Variants in UTP6 observed in about 807,000 individuals in gnomAD.
The protein encoded by UTP6 is U3 small nucleolar RNA-associated protein 6 homolog.
Under a neutral mutation model 96.5 loss-of-function variants are expected in UTP6, and 60 were observed. That is an observed-to-expected ratio of 0.62 (90% confidence interval 0.51 to 0.77). UTP6 has a LOEUF of 0.77. Ranked by LOEUF, UTP6 falls within the 30% of genes least tolerant of loss-of-function variation. UTP6 has a pLI of 0.00. For synonymous variants in UTP6, 215 were observed against 240.1 expected, an observed-to-expected ratio of 0.90 and a Z score of 0.96; for missense variants, 637 against 706.5, an observed-to-expected ratio of 0.90 and a Z score of 1.12.
At chr17:31,894,280 A>G (rs934634542) in intron 4 of UTP6, among the ~76,000 whole-genome samples, 1 of 136,988 alleles carries the variant, frequency 7.3e-6, no homozygotes, top group Non-Finnish European at 1.5e-5. Flanking sequence ...AAAAAAAAAA[A>G]AAAAGAAAAA....
Position 31,875,549 on chromosome 17 carries a change from G to A in UTP6, c.1126-136C>T, listed in dbSNP as rs890131151. ...CAATTTAAAATAAAAAAGAGGCCAG[G>A]TGTGGTGGCTCACACCTGTAACCCC... On this transcript the variant is annotated intron_variant, in intron 13 of 18. Coordinates refer to ENST00000261708, the MANE Select transcript of UTP6 (RefSeq NM_018428.3). 1.2e-5 allele frequency: 13 copies of A among 1,047,464 alleles called. 1 individual carries two copies. In the Admixed American group the frequency reaches 2.9e-4, roughly 23 times the overall value. The allele number at this position is 1,047,464 out of a possible 1,614,324, so 64.9% of individuals were successfully genotyped here.
Position 31,873,372 on chromosome 17 carries a change from G to GAGTA in UTP6, c.1496+2_1496+5dup. 6.2e-7 allele frequency: 1 copy of GAGTA among 1,613,894 alleles called. No individual in the cohort carries two copies. Among genetic ancestry groups the GAGTA allele is most frequent in the South Asian group, 1.1e-5 (1 of 91,054 alleles). On this transcript the variant is annotated splice_donor_region_variant and intron_variant, in intron 16 of 18. Coordinates refer to ENST00000261708, the MANE Select transcript of UTP6 (RefSeq NM_018428.3). ...ACTAGTAACAACTATGAACGTCTGT[G>GAGTA]AGTACCTTTTAAACACAGCTCTGGC...
chr17:31,901,670 G>T lies in UTP6; in HGVS notation c.-43C>A, dbSNP rs868592427. On this transcript the variant is annotated 5_prime_UTR_variant, in exon 1 of 19. Coordinates refer to ENST00000261708, the MANE Select transcript of UTP6 (RefSeq NM_018428.3). The stretch of plus-strand genomic sequence containing the variant: ...ACCCCGCGGGTAGCTTCTCAACAGC[G>T]AACACGAGCAGGAAGCTCCCGGTTT... 2 of 1,592,240 alleles carry T rather than the reference G, an allele frequency of 1.3e-6. No homozygotes were observed. The highest frequency in any genetic ancestry group is 1.1e-5 in the South Asian group (1 of 90,738).
intron 4 of UTP6, among the ~76,000 whole-genome samples, chr17:31,894,268 C>CAAA (rs1179270340): frequency 1.6e-5 from 1 of 63,000 alleles, no homozygotes; most frequent in Non-Finnish European, 3.3e-5. Context: ...GACCTTATCT[C>CAAA]AAAAAAAAAA....
At chr17:31,866,911 A>AAG (rs1909859944) in intron 17 of UTP6, among the ~76,000 whole-genome samples, 1 of 150,640 alleles carries the variant, frequency 6.6e-6, no homozygotes, top group Non-Finnish European at 1.5e-5. Flanking sequence ...AAAAAAAAAA[A>AAG]AAGTCAATTT....
intron 6 of UTP6, 83 bp from the exon 7 acceptor site, chr17:31,889,486 A>C: frequency 7.5e-6 from 8 of 1,070,498 alleles, no homozygotes; most frequent in East Asian, 2.5e-5. Context: ...CAATTTTAAT[A>C]CTCGCACAAT....
intron 16 of UTP6, among the ~76,000 whole-genome samples, chr17:31,871,701 C>G (rs1367492282): frequency 6.6e-6 from 1 of 152,010 alleles, no homozygotes; most frequent in Non-Finnish European, 1.5e-5. Flanking sequence ...CAAGACCAGC[C>G]TGGGCAACAC....
rs200006897 is a variant in UTP6 at position 31,894,598 on chromosome 17, T to C, written c.312+47A>G. 355 of 1,323,386 alleles carry C rather than the reference T, an allele frequency of 2.7e-4. 1 individual carries two copies. The highest frequency in any genetic ancestry group is 1.7e-3 in the Admixed American group (86 of 51,502). 82.0% of individuals were successfully genotyped at this position (1,323,386 alleles called of 1,614,324 possible). ...TGAATCCCTAATACAATATGTATAA[T>C]ACTTATCTTCACATCTCATAAAGTT... On this transcript the variant is annotated intron_variant, in intron 4 of 18. Transcript: ENST00000261708.
At position 31,887,249 on chromosome 17, in the gene UTP6, G is replaced by C. The variant is rs774169826; in HGVS notation, c.608C>G (p.Ala203Gly). 5 of 1,613,796 alleles carry C rather than the reference G, an allele frequency of 3.1e-6. No homozygotes were observed. Among genetic ancestry groups the C allele is most frequent in the South Asian group, 1.1e-5 (1 of 91,082 alleles). Residue 203 changes from alanine to glycine, a missense_variant, in exon 8 of 19, where the codon GCC becomes GGC. Physicochemically the swap from Ala to Gly is moderately conservative, Grantham distance 60. Transcript: ENST00000261708. ...TTAGAACCTTACCACATCCATACTG[G>C]CTTTTTCAAATTCTTCCTTCTCCTT... is the stretch of plus-strand genomic sequence containing the variant. ...LRKEKEEFEK[A>G]SMDVENPDYS...
chr17:31,894,827 A>T, intron 3 of UTP6, 90 bp from the exon 4 acceptor site: 1 of 1,323,304 alleles, frequency 7.6e-7, no homozygotes. Flanking sequence ...GTACTGATGA[A>T]GCAAACAAAT....
In UTP6 at chr17:31,895,008, C is replaced by A; in HGVS notation, c.181G>T (p.Glu61Ter). The A allele has an allele frequency of 6.5e-7, 1 of 1,527,910 alleles. No individual in the cohort carries two copies. The highest frequency in any genetic ancestry group is 1.2e-5 in the South Asian group (1 of 81,556). 94.6% of individuals were successfully genotyped at this position (1,527,910 alleles called of 1,614,324 possible). A position where few individuals can be genotyped will look rare whatever the true frequency, so the allele number is the denominator to read the frequency against. ...TGGATCAGCTCCAAAAGATTAATTTCATACTATGAAAGAAAAACATACAAA... is the reference window on the plus strand; with the variant it reads ...TGGATCAGCTCCAAAAGATTAATTTAATACTATGAAAGAAAAACATACAAA... ...KEDFINYVQY[E>*]INLLELIQRR... The change falls in exon 3 of 19, where the codon GAA becomes TAA. Residue 61 changes from glutamate (E) to a stop codon, truncating the protein, a stop_gained. Transcript: ENST00000261708. LOFTEE classifies it high-confidence loss of function.
intron 1 of UTP6, 72 bp from the exon 2 acceptor site, chr17:31,899,802 T>C: frequency 8.9e-7 from 1 of 1,120,606 alleles, no homozygotes; most frequent in Non-Finnish European, 1.3e-6. Context: ...TTTGAATATA[T>C]TTAAAACATG....
intron 18 of UTP6, among the ~76,000 whole-genome samples, chr17:31,864,008 TTTTTTTG>T (rs1331902735): frequency 2.0e-5 from 3 of 152,288 alleles, no homozygotes; most frequent in South Asian, 2.1e-4. Flanking sequence ...ATCAGTTTTG[TTTTTTTG>T]TTTTTTGTTT....
chr17:31,863,905 T>G (rs1909669487), intron 18 of UTP6, among the ~76,000 whole-genome samples: 1 of 152,132 alleles, frequency 6.6e-6, no homozygotes, highest in Non-Finnish European at 1.5e-5. Context: ...TTCACTATAT[T>G]GCCCAGGCTA....
intron 18 of UTP6, among the ~76,000 whole-genome samples, chr17:31,863,845 G>A (rs990247124): frequency 5.3e-5 from 8 of 152,028 alleles, no homozygotes; most frequent in African/African-American, 1.9e-4. Flanking sequence ...TGGGAACACA[G>A]GCACACCACC....
chr17:31,889,494 A>AG (rs1911348125), intron 6 of UTP6, 91 bp from the exon 7 acceptor site: 1 of 922,022 alleles, frequency 1.1e-6, no homozygotes, highest in African/African-American at 1.7e-5. Flanking sequence ...ATACTCGCAC[A>AG]ATTTTTTTTT....
intron 7 of UTP6, chr17:31,888,228 G>C (rs1911264457): frequency 6.6e-6 from 1 of 151,802 alleles, no homozygotes; most frequent in African/African-American, 2.4e-5. Context: ...AGCCAGAAGA[G>C]GGCTTCTTTG....
chr17:31,874,335 CAGG>C (rs1193400689), intron 14 of UTP6: 3 of 152,450 alleles, frequency 2.0e-5, no homozygotes, highest in African/African-American at 7.2e-5. Flanking sequence ...CACTTGAGGC[CAGG>C]AGTTCAAGAC....
chr17:31,874,726 G>A (rs1006114281), intron 14 of UTP6, among the ~76,000 whole-genome samples: 1 of 152,010 alleles, frequency 6.6e-6, no homozygotes, highest in South Asian at 2.1e-4. Flanking sequence ...GAGGCTAGGA[G>A]TTCCAGACCA....
Sources: gnomAD v4.1 joint callset for allele counts (sites outside exome capture counted in the v4.1 genomes callset) on GRCh38, gnomAD v4.1.1 for gene constraint, MANE v1.5 for transcripts, NCBI Gene and HGNC (gene_info 2026-07-23, HGNC 2026-07-21) for gene names.